ACSS3: variants seen among roughly 807,000 people sequenced by gnomAD.
ACSS3 encodes acyl-CoA synthetase short chain family member 3.
In ACSS3, 64 loss-of-function variants were observed where a neutral mutation model predicts 84.2. The ratio of observed to expected loss-of-function variants is 0.76; its 90% confidence interval spans 0.62 to 0.94. The LOEUF is 0.94. Ranked by LOEUF, ACSS3 falls within the 40% of genes least tolerant of loss-of-function variation. The probability of loss-of-function intolerance (pLI) is 0.00; values close to 1 mark genes in which losing one functional copy is unlikely to be tolerated. For missense variants in ACSS3, 815 were observed against 867.6 expected (o/e 0.94, Z 0.76); for synonymous variants, 317 against 310.1 (o/e 1.02, Z -0.23).
At chr12:81,190,332 G>T (rs1399819026) in intron 8 of ACSS3, among the ~76,000 whole-genome samples, 2 of 151,988 alleles carry the variant, frequency 1.3e-5, no homozygotes, top group Non-Finnish European at 2.9e-5. Flanking sequence ...TTGGCTTACT[G>T]TGTGAAAATC....
At chr12:81,197,565 T>C (rs1267197480) in intron 8 of ACSS3, among the ~76,000 whole-genome samples, 4 of 152,204 alleles carry the variant, frequency 2.6e-5, no homozygotes, top group Non-Finnish European at 5.9e-5. Flanking sequence ...CTATGATACT[T>C]GAGTGATTTT....
chr12:81,143,281 A>G, intron 5 of ACSS3, 34 bp downstream of exon 5: 1 of 1,486,694 alleles, frequency 6.7e-7, no homozygotes, highest in South Asian at 1.4e-5. Flanking sequence ...TATCTATAGC[A>G]GTAGATTTAC....
At chr12:81,084,240 G>A (rs73357206) in intron 1 of ACSS3, among the ~76,000 whole-genome samples, 5,062 of 152,256 alleles carry the variant, frequency 0.033, 251 homozygotes, top group African/African-American at 0.11. Context: ...AGTATTATCA[G>A]AAGCCAAGTT....
At chr12:81,141,535 A>C (rs1437807441) in intron 4 of ACSS3, among the ~76,000 whole-genome samples, 2 of 152,210 alleles carry the variant, frequency 1.3e-5, no homozygotes, top group Admixed American at 6.5e-5. Flanking sequence ...TATAGAAGTA[A>C]ATGCATATAT....
chr12:81,130,578 G>A (rs973455472), intron 2 of ACSS3, among the ~76,000 whole-genome samples: 7 of 152,174 alleles, frequency 4.6e-5, no homozygotes, highest in Non-Finnish European at 1.0e-4. Flanking sequence ...TCTGTAGGTT[G>A]CATGTTCACT....
chr12:81,078,231 A>C lies in ACSS3; in HGVS notation c.111A>C (p.Leu37Phe). 1 of 1,599,284 alleles carries C rather than the reference A, an allele frequency of 6.3e-7. No homozygotes were observed. Among genetic ancestry groups the C allele is most frequent in the Non-Finnish European group, 8.5e-7 (1 of 1,175,412 alleles). Residue 37 changes from leucine to phenylalanine, a missense_variant, in exon 1 of 16, where the codon TTA becomes TTC. Coordinates refer to ENST00000548058, the MANE Select transcript of ACSS3 (RefSeq NM_024560.4). ...ARGAGAALRA[L>F]VVPGPRGGLG... ...GAGCCGGTGCGGCCCTCAGGGCTTT[A>C]GTGGTCCCGGGCCCGCGGGGCGGTC...
At chr12:81,129,204 A>C (rs1885320715) in intron 2 of ACSS3, among the ~76,000 whole-genome samples, 1 of 152,200 alleles carries the variant, frequency 6.6e-6, no homozygotes, top group African/African-American at 2.4e-5. Context: ...AGATGCCTAC[A>C]GAAGAGGGTG....
At chr12:81,109,121 T>C (rs1367760605) in intron 1 of ACSS3, among the ~76,000 whole-genome samples, 1 of 151,208 alleles carries the variant, frequency 6.6e-6, no homozygotes, top group Non-Finnish European at 1.5e-5. Flanking sequence ...CAGAGCAGAA[T>C]AGAATTTTTC....
chr12:81,222,062 G>A (rs55797941), intron 11 of ACSS3, among the ~76,000 whole-genome samples: 3 of 152,004 alleles, frequency 2.0e-5, no homozygotes, highest in Non-Finnish European at 4.4e-5. Flanking sequence ...ATAGCCATTA[G>A]TGTTATTTCA....
chr12:81,111,358 G>T (rs1222231222), intron 2 of ACSS3, among the ~76,000 whole-genome samples: 3 of 152,144 alleles, frequency 2.0e-5, no homozygotes, highest in African/African-American at 7.2e-5. Context: ...AGAGGCCAAA[G>T]AAGAGACCCA....
chr12:81,241,778 T>C (rs1439189131), intron 13 of ACSS3, among the ~76,000 whole-genome samples: 4 of 152,058 alleles, frequency 2.6e-5, no homozygotes, highest in African/African-American at 9.7e-5. Context: ...TTCTCCCATT[T>C]TGTGGGTTGC....
intron 2 of ACSS3, among the ~76,000 whole-genome samples, chr12:81,121,122 A>G (rs1057430044): frequency 2.6e-5 from 4 of 152,188 alleles, no homozygotes; most frequent in Admixed American, 6.5e-5. Context: ...GATATTTGGC[A>G]AGTTCTCTAT....
At chr12:81,134,657 C>T (rs1434057580) in intron 2 of ACSS3, 159 bp from the exon 3 acceptor site, 5 of 498,452 alleles carry the variant, frequency 1.0e-5, no homozygotes, top group Non-Finnish European at 1.3e-5. Flanking sequence ...TTATTACTCT[C>T]ACCATCTAAA....
intron 9 of ACSS3, among the ~76,000 whole-genome samples, chr12:81,209,708 C>T (rs539198402): frequency 1.2e-4 from 19 of 152,214 alleles, no homozygotes; most frequent in African/African-American, 3.9e-4. Context: ...GCAGCCCGAA[C>T]GGCTACTGGT....
At position 81,255,077 on chromosome 12, in the gene ACSS3, T is replaced by C; in HGVS notation, c.*155T>C. The C allele has an allele frequency of 3.0e-6, 2 of 672,570 alleles. No homozygotes were observed. Among genetic ancestry groups the C allele is most frequent in the Non-Finnish European group, 4.7e-6 (2 of 429,074 alleles). The allele number at this position is 672,570 out of a possible 1,614,324, so 41.7% of individuals were successfully genotyped here. On this transcript the variant is annotated 3_prime_UTR_variant, in exon 16 of 16. Transcript: ENST00000548058. ...GGCCTAAACAAATCTAATGAAAACA[T>C]GTGAAAGACCTGTGCCTTTTTTTTG...
At chr12:81,241,875 C>CAGA (rs1327425437) in intron 13 of ACSS3, among the ~76,000 whole-genome samples, 3 of 152,186 alleles carry the variant, frequency 2.0e-5, no homozygotes, top group Non-Finnish European at 2.9e-5. Context: ...CTTTTGTTGC[C>CAGA]ATTACTTTTG....
chr12:81,240,622 TTC>T (rs1157089620), intron 13 of ACSS3, among the ~76,000 whole-genome samples: 1 of 151,968 alleles, frequency 6.6e-6, no homozygotes, highest in Non-Finnish European at 1.5e-5. Context: ...TTGTTTCTAT[TTC>T]TGTCTTTCTT....
Position 81,139,253 on chromosome 12 carries a change from T to C in ACSS3, c.768T>C (p.Asn256=). The C allele has an allele frequency of 6.2e-7, 1 of 1,613,906 alleles. No individual in the cohort carries two copies. Among genetic ancestry groups the C allele is most frequent in the South Asian group, 1.1e-5 (1 of 91,080 alleles). The change falls in exon 4 of 16, where the codon AAT becomes AAC. Residue 256 remains asparagine (N), a synonymous_variant. Coordinates refer to ENST00000548058, the MANE Select transcript of ACSS3 (RefSeq NM_024560.4). ...AACCAGACAAAATTCTCATTTATAA[T>C]CGTCCAAATATGGTAATCTGAATAT... ...QHKPDKILIY[N]RPNMEAVPLA... is the part of the protein sequence containing the mutation.
At chr12:81,095,488 G>T (rs999473520) in intron 1 of ACSS3, among the ~76,000 whole-genome samples, 1 of 151,848 alleles carries the variant, frequency 6.6e-6, no homozygotes, top group Non-Finnish European at 1.5e-5. Flanking sequence ...TAACTTATTG[G>T]TTTTTCCTGC....
Sources: allele counts gnomAD v4.1 joint callset (sites outside exome capture counted in the v4.1 genomes callset), GRCh38; gene constraint gnomAD v4.1.1; transcripts MANE v1.5; gene names NCBI Gene and HGNC (gene_info 2026-07-23, HGNC 2026-07-21).